Variants in GPHN observed in about 807,000 individuals in gnomAD.
GPHN encodes the protein gephyrin.
In GPHN, 17 loss-of-function variants were observed where a neutral mutation model predicts 95.5. The ratio of observed to expected loss-of-function variants is 0.18; its 90% CI spans 0.12 to 0.27. The LOEUF (loss-of-function observed/expected upper bound fraction) is 0.27. GPHN is among the 10% of genes least tolerant of loss of function. GPHN has a pLI of 1.00. For synonymous variants in GPHN, 320 were observed against 322.5 expected (o/e 0.99, Z 0.08); for missense variants, 660 against 978.1 (o/e 0.67, Z 4.34).
intron 3 of GPHN, among the ~76,000 whole-genome samples, chr14:66,802,075 G>T (rs111383157): frequency 0.016 from 2,484 of 152,264 alleles, 32 homozygotes; most frequent in Non-Finnish European, 0.025. Context: ...CAGGCCCTAG[G>T]TGAGTCCATA....
intron 1 of GPHN, among the ~76,000 whole-genome samples, chr14:66,509,941 T>C (rs1447184608): frequency 6.6e-6 from 1 of 152,172 alleles, no homozygotes; most frequent in African/African-American, 2.4e-5. Flanking sequence ...AAGCCTCCTT[T>C]TTTCTCTTTT....
At chr14:67,704,490 G>C in the GPHN span, among the ~76,000 whole-genome samples, 5 of 152,000 alleles carry the variant, frequency 3.3e-5, no homozygotes, top group East Asian at 9.6e-4. Context: ...GCTCCATTTT[G>C]GCCACTGCTG....
chr14:67,160,921 G>A (rs547601976), intron 19 of GPHN, among the ~76,000 whole-genome samples: 176 of 152,154 alleles, frequency 1.2e-3, no homozygotes, highest in Non-Finnish European at 1.7e-3. Context: ...AGAATTCTTG[G>A]CTTTGTATTT....
chr14:67,516,266 A>G, the GPHN span, among the ~76,000 whole-genome samples: 3 of 152,132 alleles, frequency 2.0e-5, no homozygotes, highest in African/African-American at 7.2e-5. Context: ...GAAAATTTAT[A>G]ACACCCTCTG....
At chr14:67,425,006 CT>C in the GPHN span, among the ~76,000 whole-genome samples, 3 of 152,206 alleles carry the variant, frequency 2.0e-5, no homozygotes. Flanking sequence ...ATCATTCCAA[CT>C]GGTTCACCTG....
At chr14:67,628,507 A>G in the GPHN span, among the ~76,000 whole-genome samples, 1 of 152,204 alleles carries the variant, frequency 6.6e-6, no homozygotes, top group Non-Finnish European at 1.5e-5. Context: ...GATTTGGCAA[A>G]TTTCAATGTA....
chr14:66,591,893 T>A (rs917088835), intron 1 of GPHN, among the ~76,000 whole-genome samples: 1 of 152,220 alleles, frequency 6.6e-6, no homozygotes, highest in African/African-American at 2.4e-5. Context: ...TCATGCTACC[T>A]GAATTCAAAC....
chr14:67,234,929 G>A, the GPHN span, among the ~76,000 whole-genome samples: 4 of 150,348 alleles, frequency 2.7e-5, no homozygotes, highest in African/African-American at 9.7e-5. Flanking sequence ...GCTGAGATGG[G>A]TGGATCACCT....
the GPHN span, among the ~76,000 whole-genome samples, chr14:67,294,054 G>A: frequency 1.3e-5 from 2 of 152,158 alleles, no homozygotes; most frequent in South Asian, 2.1e-4. Flanking sequence ...AATGCCTTGG[G>A]AAGAAATAAG....
At chr14:67,050,858 C>T (rs2075274546) in intron 10 of GPHN, among the ~76,000 whole-genome samples, 1 of 151,418 alleles carries the variant, frequency 6.6e-6, no homozygotes, top group Admixed American at 6.6e-5. Context: ...TGACAGCCAA[C>T]CCAGGATCCA....
intron 21 of GPHN, among the ~76,000 whole-genome samples, chr14:67,173,190 C>T (rs1275882547): frequency 2.0e-5 from 3 of 152,172 alleles, no homozygotes; most frequent in Non-Finnish European, 2.9e-5. Flanking sequence ...GTTCACAAGA[C>T]CCTTAGCCTA....
the GPHN span, among the ~76,000 whole-genome samples, chr14:67,414,406 G>C: frequency 6.6e-6 from 1 of 152,226 alleles, no homozygotes; most frequent in African/African-American, 2.4e-5. Flanking sequence ...GATGACATAA[G>C]CCCAACTCAC....
At chr14:67,724,572 C>A in the GPHN span, 4 of 1,613,176 alleles carry the variant, frequency 2.5e-6, no homozygotes, top group African/African-American at 5.3e-5. Flanking sequence ...AGGAGACGGC[C>A]AGAGAGCTCG....
intron 2 of GPHN, among the ~76,000 whole-genome samples, chr14:66,691,365 G>C (rs1022928570): frequency 1.3e-5 from 2 of 151,404 alleles, no homozygotes; most frequent in Non-Finnish European, 2.9e-5. Context: ...TTGTATTTTC[G>C]GTAGAGACAA....
chr14:67,690,602 A>C, the GPHN span: 2 of 597,708 alleles, frequency 3.3e-6, no homozygotes, highest in Non-Finnish European at 5.9e-6. Context: ...ACAGCCAAAG[A>C]CATGAGGCAT....
At chr14:66,520,213 A>G (rs2058421937) in intron 1 of GPHN, among the ~76,000 whole-genome samples, 2 of 152,188 alleles carry the variant, frequency 1.3e-5, no homozygotes, top group Non-Finnish European at 2.9e-5. Context: ...TAAGTTTTTT[A>G]TAATGTAAGA....
At chr14:67,069,932 A>G (rs777931480) in intron 11 of GPHN, among the ~76,000 whole-genome samples, 11 of 152,250 alleles carry the variant, frequency 7.2e-5, no homozygotes, top group Non-Finnish European at 1.5e-4. Context: ...GTGAAAGCAT[A>G]TATTTTTATT....
chr14:66,685,110 T>C (rs2067257230), intron 2 of GPHN, among the ~76,000 whole-genome samples: 1 of 152,354 alleles, frequency 6.6e-6, no homozygotes, highest in African/African-American at 2.4e-5. Context: ...TAGTATTCCA[T>C]GGTGTATATG....
rs975160990 is a variant in GPHN at position 66,718,374 on chromosome 14, C to T, written c.143+37189C>T. 4.6e-5 allele frequency among the ~76,000 whole-genome samples: 7 copies of T among 152,162 alleles called. No individual in the cohort carries two copies. The East Asian group carries it at 1.2e-3, about 25-fold the overall frequency. ...AGTTGTTTGTTCCTCCCGATGGGTT[C>T]GTGGTCTCGCTGACTTCAGGAATAA... is the stretch of plus-strand genomic sequence containing the variant. On this transcript the variant is annotated intron_variant, in intron 2 of 22. Coordinates refer to ENST00000478722, the MANE Select transcript of GPHN (RefSeq NM_020806.5).
Sources: gnomAD v4.1 joint callset for allele counts (sites outside exome capture counted in the v4.1 genomes callset) on GRCh38, gnomAD v4.1.1 for gene constraint, MANE v1.5 for transcripts, NCBI Gene and HGNC (gene_info 2026-07-23, HGNC 2026-07-21) for gene names.